Variants in SLIT3 observed in about 807,000 individuals in gnomAD.
SLIT3 encodes the protein slit homolog 3 protein.
SLIT3 carries 68 observed loss-of-function variants against 184.0 expected under a neutral mutation model. The observed-to-expected ratio is 0.37, with a 90% CI of 0.30 to 0.45. The LOEUF (loss-of-function observed/expected upper bound fraction) is 0.45, where lower values mean the gene tolerates loss of function less well. Among genes scored for constraint, SLIT3 ranks in the 20% least tolerant of loss-of-function variants. The probability of loss-of-function intolerance (pLI) is 1.00; values close to 1 mark genes in which losing one functional copy is unlikely to be tolerated. For synonymous variants in SLIT3, 831 were observed against 828.6 expected (o/e 1.00, Z -0.05); for missense variants, 1,707 against 2,026.0 (o/e 0.84, Z 3.02).
chr5:168,954,384 G>C (rs962617175), intron 4 of SLIT3, among the ~76,000 whole-genome samples: 2 of 151,970 alleles, frequency 1.3e-5, no homozygotes, highest in Admixed American at 1.3e-4. Context: ...GCAATTATTT[G>C]TTAGAAACAC....
chr5:169,296,597 G>A (rs1355906915), intron 1 of SLIT3, among the ~76,000 whole-genome samples: 2 of 152,166 alleles, frequency 1.3e-5, no homozygotes, highest in African/African-American at 4.8e-5. Context: ...AGAGGACTTG[G>A]CTGTTGAGCA....
At chr5:169,276,000 T>A (rs778526189) in intron 1 of SLIT3, among the ~76,000 whole-genome samples, 13 of 152,120 alleles carry the variant, frequency 8.5e-5, no homozygotes, top group Non-Finnish European at 1.5e-4. Flanking sequence ...TCTGTGTGTA[T>A]GTCAGTGTGT....
At chr5:169,134,433 C>A (rs1761421197) in intron 4 of SLIT3, among the ~76,000 whole-genome samples, 1 of 152,184 alleles carries the variant, frequency 6.6e-6, no homozygotes, top group Non-Finnish European at 1.5e-5. Flanking sequence ...AACACTCCTC[C>A]CCTACTCCTT....
intron 4 of SLIT3, among the ~76,000 whole-genome samples, chr5:168,886,281 A>G (rs1383154899): frequency 2.6e-5 from 4 of 152,200 alleles, no homozygotes; most frequent in East Asian, 1.9e-4. Context: ...GACAGCTTCA[A>G]TGGTGTTACT....
chr5:168,958,014 T>A (rs1762887635), intron 4 of SLIT3, among the ~76,000 whole-genome samples: 1 of 152,228 alleles, frequency 6.6e-6, no homozygotes, highest in Non-Finnish European at 1.5e-5. Context: ...AATGTCTTTC[T>A]GAAATGTTTT....
chr5:169,015,423 G>T (rs1303922575), intron 4 of SLIT3, among the ~76,000 whole-genome samples: 1 of 152,194 alleles, frequency 6.6e-6, no homozygotes, highest in African/African-American at 2.4e-5. Context: ...TGTTCCAAAA[G>T]CCAGAGTTGA....
intron 28 of SLIT3, among the ~76,000 whole-genome samples, chr5:168,694,216 C>T (rs1172166006): frequency 1.3e-5 from 2 of 152,096 alleles, no homozygotes; most frequent in African/African-American, 4.8e-5. Flanking sequence ...TCCTGCTGCC[C>T]ATCTGCCTGC....
chr5:168,722,865 G>C, intron 22 of SLIT3, 68 bp downstream of exon 22: 1 of 1,200,510 alleles, frequency 8.3e-7, no homozygotes, highest in South Asian at 1.2e-5. Context: ...TGCTGGGAGG[G>C]AGGGAAAGAG....
At chr5:169,018,928 C>G (rs559605911) in intron 4 of SLIT3, among the ~76,000 whole-genome samples, 1 of 152,264 alleles carries the variant, frequency 6.6e-6, no homozygotes, top group South Asian at 2.1e-4. Flanking sequence ...CAAGGTCACT[C>G]GGAATGCAGT....
intron 4 of SLIT3, among the ~76,000 whole-genome samples, chr5:169,127,942 C>T (rs1239649750): frequency 1.3e-5 from 2 of 152,018 alleles, no homozygotes; most frequent in Admixed American, 1.3e-4. Flanking sequence ...ATCTAACTTA[C>T]AGAAATAATC....
At chr5:169,134,407 T>C (rs1761419905) in intron 4 of SLIT3, among the ~76,000 whole-genome samples, 1 of 152,208 alleles carries the variant, frequency 6.6e-6, no homozygotes, top group Non-Finnish European at 1.5e-5. Context: ...TCATGCTTGC[T>C]GCTCCCTTTG....
chr5:168,728,497 T>C (rs568889931), intron 20 of SLIT3, among the ~76,000 whole-genome samples: 20 of 152,084 alleles, frequency 1.3e-4, no homozygotes, highest in East Asian at 1.2e-3. Flanking sequence ...AGGTAAAGAA[T>C]TGAAAATGTT....
chr5:169,230,482 G>GTAATCTAAT (rs1764966366), intron 3 of SLIT3, among the ~76,000 whole-genome samples: 1 of 152,188 alleles, frequency 6.6e-6, no homozygotes, highest in African/African-American at 2.4e-5. Flanking sequence ...ATTTAAATAT[G>GTAATCTAAT]TAATCTAATT....
chr5:168,761,273 C>T (rs985305383), intron 15 of SLIT3, among the ~76,000 whole-genome samples: 15 of 152,296 alleles, frequency 9.8e-5, no homozygotes, highest in Admixed American at 2.0e-4. Flanking sequence ...TTAAAACCCC[C>T]AGGAAGGTTT....
At chr5:168,718,777 C>T (rs529387303) in intron 23 of SLIT3, among the ~76,000 whole-genome samples, 16 of 151,442 alleles carry the variant, frequency 1.1e-4, no homozygotes, top group Admixed American at 9.9e-4. Flanking sequence ...TGTCAGTTTT[C>T]TCTTCCTGCT....
In SLIT3 at chr5:169,081,993, C is replaced by T. The variant is rs140982918; in HGVS notation, c.413+111486G>A. 6.4e-3 allele frequency among the ~76,000 whole-genome samples: 973 copies of T among 152,308 alleles called. 11 individuals carry two copies. The highest frequency in any genetic ancestry group is 0.023 in the African/African-American group (939 of 41,562). Reference sequence around the variant, plus strand: ...AGGTCAGCCTGACTCCAGACCCCCCCACAGCATAACATTTAGCGACATTGT... The same window carrying T: ...AGGTCAGCCTGACTCCAGACCCCCCTACAGCATAACATTTAGCGACATTGT... On this transcript the variant is annotated intron_variant, in intron 4 of 35. Coordinates refer to ENST00000519560, the MANE Select transcript of SLIT3 (RefSeq NM_003062.4).
chr5:169,075,212 C>T (rs78876952), intron 4 of SLIT3, among the ~76,000 whole-genome samples: 222 of 152,116 alleles, frequency 1.5e-3, no homozygotes, highest in African/African-American at 5.1e-3. Context: ...TGGGGTTTGA[C>T]ATTTTAGTCA....
chr5:168,915,037 G>A (rs1046854370), intron 4 of SLIT3, among the ~76,000 whole-genome samples: 1 of 151,968 alleles, frequency 6.6e-6, no homozygotes, highest in Non-Finnish European at 1.5e-5. Flanking sequence ...GTGAAAGCAG[G>A]CAATACGTAA....
chr5:169,169,010 T>C (rs559302313), intron 4 of SLIT3, among the ~76,000 whole-genome samples: 2 of 150,246 alleles, frequency 1.3e-5, no homozygotes, highest in African/African-American at 4.9e-5. Flanking sequence ...CCAAGCCCTG[T>C]GATCCCAGAG....
Sources: gnomAD v4.1 joint callset for allele counts (sites outside exome capture counted in the v4.1 genomes callset) on GRCh38, gnomAD v4.1.1 for gene constraint, MANE v1.5 for transcripts, NCBI Gene and HGNC (gene_info 2026-07-23, HGNC 2026-07-21) for gene names.